Variants in SOX30 observed in about 807,000 individuals in gnomAD.
The protein encoded by SOX30 is SRY-box transcription factor 30, also known as transcription factor SOX-30.
Under a neutral mutation model 58.6 loss-of-function variants are expected in SOX30, and 17 were observed. The observed-to-expected ratio is 0.29, with a 90% CI of 0.20 to 0.44. SOX30 has a LOEUF of 0.44. Ranked by LOEUF, SOX30 falls within the 20% of genes least tolerant of loss-of-function variation. The pLI, the probability that SOX30 is intolerant of heterozygous loss-of-function variation, is 1.00. For synonymous variants in SOX30, 421 were observed against 400.2 expected, an observed-to-expected ratio of 1.05 and a Z score of -0.62; for missense variants, 951 against 965.8, an observed-to-expected ratio of 0.98 and a Z score of 0.20.
upstream of SOX30, among the ~76,000 whole-genome samples, chr5:157,655,723 C>CCTTG (rs1272739796): frequency 1.3e-5 from 2 of 152,310 alleles, no homozygotes; most frequent in South Asian, 4.2e-4. Context: ...GCCTTCCCCA[C>CCTTG]CTTGCCTCAG....
chr5:157,646,619 A>C lies in SOX30; in HGVS notation c.1387+18T>G. On this transcript the variant is annotated intron_variant, in intron 3 of 4. Transcript: ENST00000265007. Reference sequence around the variant, plus strand: ...GCAGCTATTTAAAAAATAGTAATCTACAATAAAACTAACTCACCAACTGGA... The same window carrying C: ...GCAGCTATTTAAAAAATAGTAATCTCCAATAAAACTAACTCACCAACTGGA... 6.4e-7 allele frequency: 1 copy of C among 1,568,170 alleles called. No individual in the cohort carries two copies. The highest frequency in any genetic ancestry group is 8.7e-7 in the Non-Finnish European group (1 of 1,155,176).
intron 4 of SOX30, among the ~76,000 whole-genome samples, chr5:157,628,357 T>G (rs541613148): frequency 1.5e-5 from 2 of 134,440 alleles, no homozygotes; most frequent in South Asian, 4.8e-4. Context: ...GTGTTTCATT[T>G]CTGGCCTTCA....
chr5:157,657,685 T>A (rs1354255025), intron 2 of SOX30, among the ~76,000 whole-genome samples: 1 of 152,258 alleles, frequency 6.6e-6, no homozygotes, highest in Non-Finnish European at 1.5e-5. Flanking sequence ...TATTTGCAGC[T>A]TGTAGCAATT....
chr5:157,633,207 A>G (rs1481414130), intron 4 of SOX30, among the ~76,000 whole-genome samples: 1 of 152,112 alleles, frequency 6.6e-6, no homozygotes. Flanking sequence ...ATTAAAACTC[A>G]AGTTTAGGGT....
rs766385853 is a variant in SOX30, at chr5:157,626,299, T to C, written c.*41A>G. The stretch of plus-strand genomic sequence containing the variant: ...CTCATACCAACTGACCCAGAATATA[T>C]TTTAAGAAATGTTTATTTTCTGTGC... On this transcript the variant is annotated 3_prime_UTR_variant, in exon 5 of 5. Coordinates refer to ENST00000265007, the MANE Select transcript of SOX30 (RefSeq NM_178424.2). 3 of 1,495,080 alleles carry C rather than the reference T, an allele frequency of 2.0e-6. No homozygotes were observed. Among genetic ancestry groups the C allele is most frequent in the Non-Finnish European group, 1.8e-6 (2 of 1,111,528 alleles). The allele number at this position is 1,495,080 out of a possible 1,614,324, so 92.6% of individuals were successfully genotyped here.
chr5:157,626,522 T>C lies in SOX30; in HGVS notation c.2080A>G (p.Thr694Ala), dbSNP rs1349985263. 3 of 1,614,072 alleles carry C rather than the reference T, an allele frequency of 1.9e-6. No individual in the cohort carries two copies. Among genetic ancestry groups the C allele is most frequent in the African/African-American group, 1.3e-5 (1 of 74,924 alleles). The change falls in exon 5 of 5, where the codon ACT becomes GCT. Residue 694 changes from threonine to alanine, a missense_variant. Physicochemically the swap from Thr to Ala is moderately conservative, Grantham distance 58. Around this residue, in one of 7 missense-constraint regions of SOX30, gnomAD observed 381 missense variants for 390.0 expected, o/e 0.98. Coordinates refer to ENST00000265007, the MANE Select transcript of SOX30 (RefSeq NM_178424.2). ...TGGCTATGACTGTTATAGTAAGAAG[T>C]TCCATTCATGTTCTCACAACTCCGA... ...NSRSCENMNG[T>A]SYYNSHSHSG...
intron 3 of SOX30, among the ~76,000 whole-genome samples, chr5:157,640,484 T>C (rs1759035773): frequency 6.6e-6 from 1 of 152,046 alleles, no homozygotes; most frequent in Non-Finnish European, 1.5e-5. Flanking sequence ...TTCACTCACG[T>C]ATTTTTCCAT....
chr5:157,631,448 G>T (rs1380352875), intron 4 of SOX30, among the ~76,000 whole-genome samples: 1 of 152,044 alleles, frequency 6.6e-6, no homozygotes, highest in African/African-American at 2.4e-5. Flanking sequence ...AAACAAGTTG[G>T]TCCTTTCAGG....
At chr5:157,627,005 T>G (rs976742956) in intron 4 of SOX30, among the ~76,000 whole-genome samples, 1 of 152,206 alleles carries the variant, frequency 6.6e-6, no homozygotes, top group Non-Finnish European at 1.5e-5. Context: ...CTGGTCTTTC[T>G]CTCATGATGC....
chr5:157,652,059 T>C lies in SOX30; in HGVS notation c.20A>G (p.Glu7Gly). 7.0e-7 allele frequency: 1 copy of C among 1,422,330 alleles called. No individual in the cohort carries two copies. The highest frequency in any genetic ancestry group is 1.5e-5 in the African/African-American group (1 of 66,920). 88.1% of individuals were successfully genotyped at this position (1,422,330 alleles called of 1,614,324 possible). A position where few individuals can be genotyped will look rare whatever the true frequency, so the allele number is the denominator to read the frequency against. ...CAACGGGCGCGGCTGAGGCGGCGGC[T>C]CGGGTCTGGCTCTCTCCATGGGGGA... is the stretch of plus-strand genomic sequence containing the variant. MERARP[E>G]PPPQPRPLRP... The change falls in exon 1 of 5, where the codon GAG (glutamate) becomes GGG (glycine). Residue 7 changes from glutamate (E) to glycine (G), a missense_variant. Around this residue, in one of 7 missense-constraint regions of SOX30, gnomAD observed 363 missense variants for 294.5 expected, o/e 1.23. Coordinates refer to ENST00000265007, the MANE Select transcript of SOX30 (RefSeq NM_178424.2).
rs552463131 is a variant in SOX30 at position 157,626,370 on chromosome 5, C to T, written c.2232G>A (p.Glu744=). Residue 744 remains glutamate, a synonymous_variant, in exon 5 of 5, where the codon GAG becomes GAA. Transcript: ENST00000265007. The part of the protein sequence containing the change: ...QQVNVTDSDE[E]EEEKVLRDL ...AATCCCTGAGCACTTTTTCTTCTTC[C>T]TCCTCATCACTGTCGGTGACATTGA... The T allele has an allele frequency of 5.1e-5, 82 of 1,609,374 alleles. No individual in the cohort carries two copies. The South Asian group carries it at 8.6e-4, about 17-fold the overall frequency.
intron 3 of SOX30, among the ~76,000 whole-genome samples, chr5:157,643,392 C>T (rs1040445840): frequency 2.0e-5 from 3 of 151,838 alleles, no homozygotes; most frequent in African/African-American, 7.3e-5. Flanking sequence ...TGCACTCCAG[C>T]GTGGGCAACA....
chr5:157,640,787 T>C (rs746424957), intron 3 of SOX30, among the ~76,000 whole-genome samples: 3 of 152,176 alleles, frequency 2.0e-5, no homozygotes, highest in Non-Finnish European at 4.4e-5. Flanking sequence ...GGAGATTTTC[T>C]GATCATGATC....
In SOX30 at chr5:157,652,079, G is replaced by A. The variant is rs1183005365; in HGVS notation, c.-1C>T. ...GCGGCTCGGGTCTGGCTCTCTCCAT[G>A]GGGGAGGGGGACGCCCCGGCCAGGA... On this transcript the variant is annotated 5_prime_UTR_variant, in exon 1 of 5. Coordinates refer to ENST00000265007, the MANE Select transcript of SOX30 (RefSeq NM_178424.2). 5.0e-6 allele frequency: 7 copies of A among 1,401,634 alleles called. No individual in the cohort carries two copies. Among genetic ancestry groups the A allele is most frequent in the Non-Finnish European group, 6.5e-6 (7 of 1,085,006 alleles). The allele number at this position is 1,401,634 out of a possible 1,614,324, so 86.8% of individuals were successfully genotyped here. A position where few individuals can be genotyped will look rare whatever the true frequency, so the allele number is the denominator to read the frequency against.
chr5:157,638,795 T>C (rs941829559), intron 3 of SOX30, 73 bp from the exon 4 acceptor site: 165 of 1,461,772 alleles, frequency 1.1e-4, no homozygotes, highest in Non-Finnish European at 1.5e-4. Context: ...CAGTAAAGTT[T>C]AATAAATTGT....
intron 2 of SOX30, among the ~76,000 whole-genome samples, chr5:157,658,826 C>G (rs1759527900): frequency 6.6e-6 from 1 of 152,178 alleles, no homozygotes; most frequent in Non-Finnish European, 1.5e-5. Context: ...ACCTACTAGG[C>G]TGCATTCCCA....
intron 3 of SOX30, 33 bp downstream of exon 3, chr5:157,646,603 TA>T: frequency 6.6e-7 from 1 of 1,511,312 alleles, no homozygotes; most frequent in Non-Finnish European, 9.0e-7. Flanking sequence ...TGCAGCTATT[TA>T]AAAAATAGTA....
At chr5:157,669,807 C>T (rs1293952482) in intron 1 of SOX30, among the ~76,000 whole-genome samples, 3 of 152,138 alleles carry the variant, frequency 2.0e-5, no homozygotes, top group African/African-American at 7.2e-5. Context: ...GCATGAGCCA[C>T]GGCACCCAGC....
intron 1 of SOX30, 140 bp from the exon 2 acceptor site, chr5:157,649,036 C>A: frequency 9.0e-7 from 1 of 1,108,848 alleles, no homozygotes; most frequent in Non-Finnish European, 1.2e-6. Flanking sequence ...CCAAAAAAAC[C>A]TGCCAGTATT....
Sources: allele counts gnomAD v4.1 joint callset (sites outside exome capture counted in the v4.1 genomes callset), GRCh38; gene constraint gnomAD v4.1.1; regional missense constraint gnomAD v4.1.1; transcripts MANE v1.5; gene names NCBI Gene and HGNC (gene_info 2026-07-23, HGNC 2026-07-21).